The following RIC1 variants were observed in gnomAD, a reference collection of about 807,000 sequenced individuals.
The protein encoded by RIC1 is RIC1 partner of RAB6A GEF complex.
In RIC1, 88 loss-of-function variants were observed where a neutral mutation model predicts 169.0. The observed-to-expected ratio is 0.52, with a 90% CI of 0.44 to 0.62. RIC1 has a LOEUF of 0.62. RIC1 is among the 20% of genes least tolerant of loss of function. The probability of loss-of-function intolerance (pLI) is 0.00; values close to 1 mark genes in which losing one functional copy is unlikely to be tolerated. For synonymous variants in RIC1, 790 were observed against 601.5 expected, an observed-to-expected ratio of 1.31 and a Z score of -4.59; for missense variants, 1,877 against 1,725.5, an observed-to-expected ratio of 1.09 and a Z score of -1.56.
At chr9:5,649,779 T>A (rs1818705109) in intron 1 of RIC1, among the ~76,000 whole-genome samples, 1 of 152,080 alleles carries the variant, frequency 6.6e-6, no homozygotes, top group Admixed American at 6.5e-5. Flanking sequence ...TACAAGTTGA[T>A]GTCTGTACCT....
At position 5,765,717 on chromosome 9, in the gene RIC1, C is replaced by T. The variant is rs1361870211; in HGVS notation, c.3056C>T (p.Ser1019Phe). 1 of 1,614,124 alleles carries T rather than the reference C, an allele frequency of 6.2e-7. No homozygotes were observed. The highest frequency in any genetic ancestry group is 8.5e-7 in the Non-Finnish European group (1 of 1,179,984). Residue 1019 changes from serine (S) to phenylalanine (F), a missense_variant, in exon 21 of 26, where the codon TCC becomes TTC. By Grantham distance (155) the Ser-to-Phe change is radical. Transcript: ENST00000414202. The part of the protein sequence containing the change: ...EFFRNRSISL[S>F]QSAENVPASK... ...TTCAGGAATCGAAGCATCAGTTTATCCCAGTCAGCTGAAAATGTTCCTGCC... is the reference window on the plus strand; with the variant it reads ...TTCAGGAATCGAAGCATCAGTTTATTCCAGTCAGCTGAAAATGTTCCTGCC...
intron 8 of RIC1, among the ~76,000 whole-genome samples, chr9:5,740,257 C>T (rs1824997320): frequency 6.6e-6 from 1 of 152,132 alleles, no homozygotes; most frequent in African/African-American, 2.4e-5. Flanking sequence ...TCTATATAAA[C>T]AGTTCACGTC....
intron 3 of RIC1, among the ~76,000 whole-genome samples, chr9:5,692,870 T>TAATC (rs1821665678): frequency 2.0e-5 from 3 of 152,192 alleles, no homozygotes; most frequent in South Asian, 4.1e-4. Context: ...AATACGTATT[T>TAATC]AATCCCTTTA....
At chr9:5,770,335 A>C in intron 23 of RIC1, 57 bp downstream of exon 23, 1 of 1,403,906 alleles carries the variant, frequency 7.1e-7, no homozygotes, top group South Asian at 1.3e-5. Flanking sequence ...TTTATGTGCT[A>C]TAGCACTTCA....
chr9:5,763,802 C>G lies in RIC1; in HGVS notation c.2775C>G (p.Asp925Glu). Reference sequence around the variant, plus strand: ...TTGCAGCTGTTGGAAACCCTAAGGACTTGTTTGAGGAGTGTTTGATGGCTC... The same window carrying G: ...TTGCAGCTGTTGGAAACCCTAAGGAGTTGTTTGAGGAGTGTTTGATGGCTC... Reference protein sequence around the residue: ...YLFAAVGNPKDLFEECLMAQD... With the variant: ...YLFAAVGNPKELFEECLMAQD... The change falls in exon 19 of 26, where the codon GAC becomes GAG. Residue 925 changes from aspartate to glutamate, a missense_variant. Around this residue, in one of 3 missense-constraint regions of RIC1, gnomAD observed 92 missense variants for 151.5 expected, o/e 0.61. Coordinates refer to ENST00000414202, the MANE Select transcript of RIC1 (RefSeq NM_020829.4). The surrounding 1 kb of genome is among the most constrained non-coding windows in gnomAD (Gnocchi z 5.2). 1.2e-6 allele frequency: 2 copies of G among 1,614,176 alleles called. No individual in the cohort carries two copies. Among genetic ancestry groups the G allele is most frequent in the South Asian group, 2.2e-5 (2 of 91,082 alleles).
At chr9:5,647,936 GGGT>G (rs77165192) in intron 1 of RIC1, among the ~76,000 whole-genome samples, 583 of 121,268 alleles carry the variant, frequency 4.8e-3, no homozygotes, top group East Asian at 7.9e-3. Flanking sequence ...GTGTGGGGGT[GGGT>G]GGTGGTGGTG....
intron 12 of RIC1, 79 bp downstream of exon 12, chr9:5,747,584 C>A (rs1263560433): frequency 3.1e-6 from 4 of 1,287,236 alleles, no homozygotes; most frequent in African/African-American, 2.9e-5. Context: ...AATATTTCAT[C>A]TGTTAACTTC....
At chr9:5,630,534 C>T (rs1228821252) in intron 1 of RIC1, among the ~76,000 whole-genome samples, 2 of 152,188 alleles carry the variant, frequency 1.3e-5, no homozygotes, top group Non-Finnish European at 2.9e-5. Context: ...AGTCCTCACC[C>T]ACTTCCCTGG....
intron 4 of RIC1, among the ~76,000 whole-genome samples, chr9:5,715,260 A>G (rs1823161895): frequency 6.6e-6 from 1 of 152,196 alleles, no homozygotes; most frequent in Non-Finnish European, 1.5e-5. Context: ...TACCAAGAAA[A>G]GGTGGAATTG....
rs765623332 is a variant in RIC1, at chr9:5,772,940, C to T, written c.3843C>T (p.Ile1281=). 8.7e-6 allele frequency: 14 copies of T among 1,613,598 alleles called. No homozygotes were observed. Among genetic ancestry groups the T allele is most frequent in the African/African-American group, 2.7e-5 (2 of 74,982 alleles). ...AGGCAGGGTGCCTAGACTGGTGCAT[C>T]GTTATAGGCCTGATTCTTAGAGAAT... is the stretch of plus-strand genomic sequence containing the variant. ...FMEAGCLDWC[I]VIGLILRESS... The change falls in exon 25 of 26, where the codon ATC becomes ATT. Residue 1281 remains isoleucine, a synonymous_variant. Coordinates refer to ENST00000414202, the MANE Select transcript of RIC1 (RefSeq NM_020829.4).
At chr9:5,726,231 G>A (rs1393757586) in intron 6 of RIC1, among the ~76,000 whole-genome samples, 1 of 152,148 alleles carries the variant, frequency 6.6e-6, no homozygotes, top group African/African-American at 2.4e-5. Flanking sequence ...ATGAATCTGG[G>A]TGCTCCTGTA....
intron 4 of RIC1, chr9:5,719,113 G>C (rs1489261934): frequency 6.6e-6 from 1 of 151,896 alleles, no homozygotes; most frequent in Non-Finnish European, 1.5e-5. Flanking sequence ...TTGATACTTT[G>C]AACACTCTTT....
At chr9:5,634,843 G>C (rs552986412) in intron 1 of RIC1, among the ~76,000 whole-genome samples, 1 of 152,106 alleles carries the variant, frequency 6.6e-6, no homozygotes, top group East Asian at 1.9e-4. Flanking sequence ...CATGGTTTCA[G>C]GTTTTACATT....
chr9:5,741,286 A>G (rs1385389093), intron 8 of RIC1, among the ~76,000 whole-genome samples: 1 of 152,098 alleles, frequency 6.6e-6, no homozygotes, highest in African/African-American at 2.4e-5. Flanking sequence ...CTGCAGTTCA[A>G]CTGTGATGTG....
intron 1 of RIC1, among the ~76,000 whole-genome samples, chr9:5,632,442 T>C (rs776502349): frequency 6.6e-6 from 1 of 152,234 alleles, no homozygotes; most frequent in Non-Finnish European, 1.5e-5. Flanking sequence ...TTCCACTGTT[T>C]AGACTCATAT....
At chr9:5,764,274 AT>A (rs1253724653) in intron 19 of RIC1, among the ~76,000 whole-genome samples, 2 of 152,200 alleles carry the variant, frequency 1.3e-5, no homozygotes, top group Admixed American at 6.5e-5. Context: ...ACAACAGTAG[AT>A]TTGTTTCCTT....
chr9:5,726,381 CTT>C (rs1018095545), intron 6 of RIC1, among the ~76,000 whole-genome samples: 89 of 152,030 alleles, frequency 5.9e-4, no homozygotes, highest in Admixed American at 3.0e-3. Context: ...GCAACCCCTG[CTT>C]TTTTTTGTTT....
intron 6 of RIC1, among the ~76,000 whole-genome samples, chr9:5,723,024 C>T (rs567218157): frequency 6.8e-4 from 103 of 152,282 alleles, no homozygotes; most frequent in African/African-American, 1.7e-3. Context: ...CATACATGTG[C>T]GTGTGTCTTT....
intron 3 of RIC1, among the ~76,000 whole-genome samples, chr9:5,694,440 G>GT (rs963325894): frequency 3.3e-5 from 5 of 152,068 alleles, no homozygotes; most frequent in Admixed American, 6.6e-5. Flanking sequence ...TGATCTTGAT[G>GT]TTTTTTGTTC....
Sources: allele counts gnomAD v4.1 joint callset (sites outside exome capture counted in the v4.1 genomes callset), GRCh38; gene constraint gnomAD v4.1.1; regional missense constraint gnomAD v4.1.1; non-coding constraint Gnocchi (gnomAD v3.1); transcripts MANE v1.5; gene names NCBI Gene and HGNC (gene_info 2026-07-23, HGNC 2026-07-21).